Variants in GNAI3 observed in about 807,000 individuals in gnomAD.
The protein encoded by GNAI3 is G protein subunit alpha i3.
In GNAI3, 12 loss-of-function variants were observed where a neutral mutation model predicts 41.8. The observed-to-expected ratio is 0.29, with a 90% CI of 0.18 to 0.47. The LOEUF (loss-of-function observed/expected upper bound fraction) is 0.47. Ranked by LOEUF, GNAI3 falls within the 20% of genes least tolerant of loss-of-function variation. GNAI3 has a pLI of 1.00. For missense variants in GNAI3, 360 were observed against 429.6 expected (o/e 0.84, Z 1.43); for synonymous variants, 132 against 146.5 (o/e 0.90, Z 0.71).
intron 1 of GNAI3, among the ~76,000 whole-genome samples, chr1:109,555,429 G>A (rs911376679): frequency 6.6e-6 from 1 of 152,184 alleles, no homozygotes; most frequent in Non-Finnish European, 1.5e-5. Flanking sequence ...ATGTGAAGTG[G>A]CGAAAGGACA....
rs1458264649 is a variant in GNAI3, at chr1:109,593,729, T to A, written c.*1407T>A. 6.5e-6 allele frequency: 1 copy of A among 152,680 alleles called. No homozygotes were observed. The highest frequency in any genetic ancestry group is 1.5e-5 in the Non-Finnish European group (1 of 68,044). The allele number at this position is 152,680 out of a possible 1,614,324, so 9.5% of individuals were successfully genotyped here. On this transcript the variant is annotated 3_prime_UTR_variant, in exon 9 of 9. Coordinates refer to ENST00000369851, the MANE Select transcript of GNAI3 (RefSeq NM_006496.4). ...TGTGATCATGATTCATTTTGCAGAT[T>A]TACATTTTGCTTGTGTGGAAAGTTA...
At chr1:109,552,947 A>G (rs12094924) in intron 1 of GNAI3, among the ~76,000 whole-genome samples, 2,342 of 152,332 alleles carry the variant, frequency 0.015, 55 homozygotes, top group African/African-American at 0.054. Context: ...TAACTTAACC[A>G]TAAGAATAAT....
At chr1:109,556,364 T>C (rs1648151047) in intron 1 of GNAI3, among the ~76,000 whole-genome samples, 1 of 152,120 alleles carries the variant, frequency 6.6e-6, no homozygotes. Flanking sequence ...AAGTCGCTCA[T>C]CTGTAACCAG....
chr1:109,586,371 C>T (rs780526691), intron 6 of GNAI3, 26 bp downstream of exon 6: 2 of 1,600,240 alleles, frequency 1.2e-6, no homozygotes, highest in African/African-American at 2.7e-5. Context: ...TGGTAAAAAG[C>T]CTGTCTAATG....
intron 1 of GNAI3, among the ~76,000 whole-genome samples, chr1:109,572,114 C>T (rs1648617338): frequency 6.6e-6 from 1 of 151,796 alleles, no homozygotes; most frequent in South Asian, 2.1e-4. Flanking sequence ...TTGTGACCAG[C>T]CTGGCTAATA....
chr1:109,587,095 A>G (rs1038435453), intron 7 of GNAI3, among the ~76,000 whole-genome samples: 4 of 152,078 alleles, frequency 2.6e-5, no homozygotes, highest in African/African-American at 9.7e-5. Flanking sequence ...TTAAATTTCT[A>G]TCTTCATTTT....
intron 1 of GNAI3, among the ~76,000 whole-genome samples, chr1:109,573,385 A>G (rs1234104284): frequency 6.6e-6 from 1 of 152,208 alleles, no homozygotes; most frequent in African/African-American, 2.4e-5. Context: ...ACCAAAAAAT[A>G]ATGATTTCAT....
At chr1:109,574,323 CT>C (rs151147803) in intron 3 of GNAI3, among the ~76,000 whole-genome samples, 489 of 149,594 alleles carry the variant, frequency 3.3e-3, no homozygotes, top group Middle Eastern at 6.9e-3. Context: ...GCACTGTTGA[CT>C]TTTATAGTAG....
chr1:109,557,530 A>G (rs1184800537), intron 1 of GNAI3, among the ~76,000 whole-genome samples: 1 of 152,184 alleles, frequency 6.6e-6, no homozygotes, highest in African/African-American at 2.4e-5. Context: ...AGGCAACTTC[A>G]TAGGTGTTAG....
chr1:109,551,949 G>T (rs1297183563), intron 1 of GNAI3, among the ~76,000 whole-genome samples: 1 of 152,082 alleles, frequency 6.6e-6, no homozygotes, highest in Admixed American at 6.5e-5. Flanking sequence ...ATCACCTGAG[G>T]TCAGGAGTTC....
At chr1:109,591,311 T>TG (rs937633941) in intron 7 of GNAI3, among the ~76,000 whole-genome samples, 6 of 152,212 alleles carry the variant, frequency 3.9e-5, no homozygotes, top group Non-Finnish European at 7.4e-5. Context: ...TTCCTTTTTT[T>TG]TTTGTTTTAA....
At chr1:109,550,785 G>A (rs369925759) in intron 1 of GNAI3, among the ~76,000 whole-genome samples, 17 of 152,286 alleles carry the variant, frequency 1.1e-4, no homozygotes, top group African/African-American at 4.1e-4. Flanking sequence ...CACCCGCCTT[G>A]GCCTCCCAAA....
rs573350102 is a variant in GNAI3, at chr1:109,600,143, A to T, written c.*7821A>T. On this transcript the variant is annotated 3_prime_UTR_variant, in exon 9 of 9. Transcript: ENST00000369851. ...CTGATCTGGTTACAAAAAAAAAAAA[A>T]ACTTGATGGCTTAAAGTAAATAAAA... The T allele has an allele frequency of 6.6e-6, 1 of 150,434 alleles. No individual in the cohort carries two copies. Among genetic ancestry groups the T allele is most frequent in the African/African-American group, 2.4e-5 (1 of 41,120 alleles). 9.3% of individuals were successfully genotyped at this position (150,434 alleles called of 1,614,324 possible).
chr1:109,563,883 A>T (rs4146130), intron 1 of GNAI3, among the ~76,000 whole-genome samples: 1 of 143,336 alleles, frequency 7.0e-6, no homozygotes, highest in East Asian at 2.0e-4. Context: ...TTTAATTTTT[A>T]TGCTGGACAA....
intron 1 of GNAI3, among the ~76,000 whole-genome samples, chr1:109,565,050 CAA>C (rs1003981814): frequency 6.6e-6 from 1 of 151,888 alleles, no homozygotes; most frequent in Non-Finnish European, 1.5e-5. Flanking sequence ...ATCATGAGGT[CAA>C]GAGTTCAAGA....
chr1:109,563,558 T>A (rs187551865), intron 1 of GNAI3, among the ~76,000 whole-genome samples: 467 of 152,136 alleles, frequency 3.1e-3, no homozygotes, highest in Admixed American at 6.7e-3. Context: ...GAGCTGCCTT[T>A]TTTTTAAAAA....
intron 1 of GNAI3, among the ~76,000 whole-genome samples, chr1:109,561,698 A>G (rs900847435): frequency 6.6e-6 from 1 of 152,248 alleles, no homozygotes; most frequent in African/African-American, 2.4e-5. Context: ...ATGTGATTAC[A>G]GAAGGAATAG....
intron 5 of GNAI3, among the ~76,000 whole-genome samples, chr1:109,583,238 C>T (rs1297108965): frequency 6.6e-6 from 1 of 152,192 alleles, no homozygotes; most frequent in Non-Finnish European, 1.5e-5. Context: ...GAGACAGGGT[C>T]GTACTCTGTC....
At chr1:109,575,890 C>CA (rs1648728490) in intron 3 of GNAI3, among the ~76,000 whole-genome samples, 1 of 152,154 alleles carries the variant, frequency 6.6e-6, no homozygotes, top group Admixed American at 6.5e-5. Flanking sequence ...ACTCTTGTGT[C>CA]ACCAGATGCA....
Sources: allele counts gnomAD v4.1 joint callset (sites outside exome capture counted in the v4.1 genomes callset), GRCh38; gene constraint gnomAD v4.1.1; transcripts MANE v1.5; gene names NCBI Gene and HGNC (gene_info 2026-07-23, HGNC 2026-07-21).